Variants in ELOVL7 observed in about 807,000 individuals in gnomAD.
ELOVL7 encodes the protein ELOVL fatty acid elongase 7, also known as very long chain fatty acid elongase 7.
Under a neutral mutation model 35.7 loss-of-function variants are expected in ELOVL7, and 27 were observed. The observed-to-expected ratio is 0.76, with a 90% CI of 0.56 to 1.04. The LOEUF (loss-of-function observed/expected upper bound fraction) is 1.04, where lower values mean the gene tolerates loss of function less well. ELOVL7 is among the 50% of genes least tolerant of loss of function. ELOVL7 has a pLI of 0.00. For synonymous variants in ELOVL7, 113 were observed against 114.6 expected (o/e 0.99, Z 0.09); for missense variants, 327 against 340.8 (o/e 0.96, Z 0.32).
intron 7 of ELOVL7, among the ~76,000 whole-genome samples, chr5:60,757,879 C>T (rs1019825476): frequency 6.6e-6 from 1 of 152,060 alleles, no homozygotes; most frequent in Admixed American, 6.6e-5. Context: ...TATATCTTAG[C>T]TTAAGGTGGT....
chr5:60,792,282 C>T (rs1743986254), intron 2 of ELOVL7, among the ~76,000 whole-genome samples: 1 of 151,936 alleles, frequency 6.6e-6, no homozygotes, highest in South Asian at 2.1e-4. Context: ...TGTGGGCCCA[C>T]CAGAAGAGAA....
chr5:60,796,234 T>C (rs2112268581), intron 2 of ELOVL7, among the ~76,000 whole-genome samples: 1 of 152,264 alleles, frequency 6.6e-6, no homozygotes, highest in African/African-American at 2.4e-5. Flanking sequence ...CTCGTCCCCA[T>C]CCTTTATACT....
At chr5:60,786,037 T>C (rs1428910100) in intron 3 of ELOVL7, 2 of 152,226 alleles carry the variant, frequency 1.3e-5, no homozygotes, top group Non-Finnish European at 2.9e-5. Context: ...TTCTAGTTGA[T>C]AGGTAAGAAT....
In ELOVL7 at chr5:60,781,046, C is replaced by T. The variant is rs186316473; in HGVS notation, c.64+6288G>A. On this transcript the variant is annotated intron_variant, in intron 3 of 8. Coordinates refer to ENST00000508821, the MANE Select transcript of ELOVL7 (RefSeq NM_024930.3). ...CCAACATGGTGAAACCCTGTCTCTACGAAAAATACAAAAATTAGCTAGGCA... is the reference window on the plus strand; with the variant it reads ...CCAACATGGTGAAACCCTGTCTCTATGAAAAATACAAAAATTAGCTAGGCA... Among the ~76,000 whole-genome samples the T allele has an allele frequency of 6.9e-4, 105 of 152,050 alleles. 2 individuals carry two copies. The highest frequency in any genetic ancestry group is 2.4e-3 in the African/African-American group (99 of 41,480).
At chr5:60,787,272 A>G in intron 3 of ELOVL7, 62 bp downstream of exon 3, 1 of 1,362,978 alleles carries the variant, frequency 7.3e-7, no homozygotes, top group East Asian at 2.3e-5. Context: ...AAATCCTATT[A>G]AATATGAGAA....
intron 8 of ELOVL7, 81 bp downstream of exon 8, chr5:60,757,428 T>C: frequency 2.1e-6 from 3 of 1,406,302 alleles, no homozygotes; most frequent in Non-Finnish European, 2.9e-6. Flanking sequence ...TCTTCTTTAT[T>C]TAACCAGTAT....
intron 6 of ELOVL7, 90 bp downstream of exon 6, chr5:60,766,484 A>C: frequency 9.2e-7 from 1 of 1,092,110 alleles, no homozygotes; most frequent in Non-Finnish European, 1.3e-6. Context: ...CTGAAACTAC[A>C]GCAGTTTATT....
In ELOVL7 at chr5:60,773,951, AT is replaced by A. The variant is rs563439399; in HGVS notation, c.65-1859del. ...CAAACGTATTTGGCCAAAAAACACT[AT>A]TTTTTTTGTAGAATGTTATTTAACA... On this transcript the variant is annotated intron_variant, in intron 3 of 8. Coordinates refer to ENST00000508821, the MANE Select transcript of ELOVL7 (RefSeq NM_024930.3). 7.9e-5 allele frequency among the ~76,000 whole-genome samples: 12 copies of A among 152,184 alleles called. No homozygotes were observed. The South Asian group carries it at 1.7e-3, about 21-fold the overall frequency.
intron 1 of ELOVL7, among the ~76,000 whole-genome samples, chr5:60,802,951 T>C (rs1212388807): frequency 2.6e-5 from 4 of 152,218 alleles, no homozygotes; most frequent in Non-Finnish European, 5.9e-5. Context: ...AATTCTCTTT[T>C]GTCATTTTTA....
intron 1 of ELOVL7, among the ~76,000 whole-genome samples, chr5:60,811,588 T>C (rs1561460605): frequency 6.6e-6 from 1 of 152,194 alleles, no homozygotes; most frequent in Non-Finnish European, 1.5e-5. Flanking sequence ...CATCAACCTT[T>C]GTCTTCATGG....
At chr5:60,822,033 C>T (rs148257748) in intron 1 of ELOVL7, among the ~76,000 whole-genome samples, 20 of 152,350 alleles carry the variant, frequency 1.3e-4, no homozygotes, top group African/African-American at 4.8e-4. Flanking sequence ...TACCTTCCTC[C>T]TTTTGGGAAT....
At position 60,767,905 on chromosome 5, in the gene ELOVL7, T is replaced by C; in HGVS notation, c.256-2A>G. ...TATACCCCAGCCAGACATCACAAAC[T>C]GCAAGAGAGCACATGCATATTAAGA... On this transcript the variant is annotated splice_acceptor_variant, in intron 4 of 8. Transcript: ENST00000508821. LOFTEE classifies it high-confidence loss of function. 6.2e-7 allele frequency: 1 copy of C among 1,612,608 alleles called. No individual in the cohort carries two copies. Among genetic ancestry groups the C allele is most frequent in the Non-Finnish European group, 8.5e-7 (1 of 1,178,774 alleles).
chr5:60,786,683 A>T (rs931629474), intron 3 of ELOVL7, among the ~76,000 whole-genome samples: 3 of 152,184 alleles, frequency 2.0e-5, no homozygotes, highest in East Asian at 1.9e-4. Flanking sequence ...ACAGTGGCTC[A>T]CACCTGTAAT....
chr5:60,754,992 T>C (rs757513740), intron 8 of ELOVL7, among the ~76,000 whole-genome samples, 159 bp from the exon 9 acceptor site: 4 of 152,194 alleles, frequency 2.6e-5, no homozygotes, highest in Non-Finnish European at 5.9e-5. Context: ...ATGGGTGGTA[T>C]AATGTCAAAA....
At chr5:60,790,200 T>C (rs1053666958) in intron 2 of ELOVL7, among the ~76,000 whole-genome samples, 13 of 151,932 alleles carry the variant, frequency 8.6e-5, no homozygotes, top group Admixed American at 3.3e-4. Flanking sequence ...ACCTTGTATA[T>C]AAAAGGAGAA....
At chr5:60,798,271 A>G (rs767358622) in intron 2 of ELOVL7, among the ~76,000 whole-genome samples, 60 of 152,248 alleles carry the variant, frequency 3.9e-4, no homozygotes, top group Non-Finnish European at 7.8e-4. Context: ...CAGAAGAGCC[A>G]TAGAAAATGA....
At chr5:60,818,542 T>G (rs1334205315) in intron 1 of ELOVL7, among the ~76,000 whole-genome samples, 1 of 152,054 alleles carries the variant, frequency 6.6e-6, no homozygotes, top group Non-Finnish European at 1.5e-5. Flanking sequence ...TTCCTAAATT[T>G]TATGGCCATA....
chr5:60,764,333 C>A lies in ELOVL7; in HGVS notation c.394-1G>T, dbSNP rs757103401. The A allele has an allele frequency of 1.2e-6, 2 of 1,600,732 alleles. No homozygotes were observed. The highest frequency in any genetic ancestry group is 1.7e-5 in the Admixed American group (1 of 59,830). On this transcript the variant is annotated splice_acceptor_variant, in intron 6 of 8. Transcript: ENST00000508821. LOFTEE classifies it high-confidence loss of function. ...TTTTCTTGCGCAGAACAAAAAAGAT[C>A]TGAAATAATTTAAAGAATATCAAGT...
chr5:60,781,568 T>A (rs549589686), intron 3 of ELOVL7, among the ~76,000 whole-genome samples: 2 of 152,336 alleles, frequency 1.3e-5, no homozygotes, highest in South Asian at 4.1e-4. Flanking sequence ...AAAATAATTT[T>A]AAAATAAATA....
Sources: allele counts gnomAD v4.1 joint callset (sites outside exome capture counted in the v4.1 genomes callset), GRCh38; gene constraint gnomAD v4.1.1; transcripts MANE v1.5; gene names NCBI Gene and HGNC (gene_info 2026-07-23, HGNC 2026-07-21).